Variants in OR2L13 observed in about 807,000 individuals in gnomAD.
OR2L13 encodes the protein olfactory receptor family 2 subfamily L member 13, also known as olfactory receptor 2L13.
OR2L13 carries 14 observed loss-of-function variants against 15.3 expected under a neutral mutation model. The observed-to-expected ratio is 0.91, with a 90% CI of 0.60 to 1.43. The LOEUF is 1.43. OR2L13 is among the 40% of genes most tolerant of loss of function. OR2L13 has a pLI of 0.00. For missense variants in OR2L13, 367 were observed against 387.9 expected, an observed-to-expected ratio of 0.95 and a Z score of 0.45; for synonymous variants, 152 against 142.9, an observed-to-expected ratio of 1.06 and a Z score of -0.45.
chr1:248,072,944 T>A, the OR2L13 span, among the ~76,000 whole-genome samples: 1 of 152,148 alleles, frequency 6.6e-6, no homozygotes, highest in East Asian at 1.9e-4. Flanking sequence ...TCACACCAGT[T>A]AGAATGGCAA....
chr1:248,022,492 C>T, the OR2L13 span: 2 of 1,614,188 alleles, frequency 1.2e-6, no homozygotes, highest in Non-Finnish European at 1.7e-6. Context: ...GATGTTCCAG[C>T]TATGTTGACA....
chr1:248,094,923 C>T (rs1426252948), upstream of OR2L13, among the ~76,000 whole-genome samples: 1 of 152,192 alleles, frequency 6.6e-6, no homozygotes, highest in Non-Finnish European at 1.5e-5. Context: ...TTCTATAGCT[C>T]TGAAATCATG....
chr1:247,984,455 A>G, the OR2L13 span, among the ~76,000 whole-genome samples: 1 of 152,328 alleles, frequency 6.6e-6, no homozygotes, highest in Non-Finnish European at 1.5e-5. Context: ...AATTTCAAAC[A>G]GTATATATTC....
chr1:248,047,554 A>T, the OR2L13 span, among the ~76,000 whole-genome samples: 1 of 152,182 alleles, frequency 6.6e-6, no homozygotes, highest in Non-Finnish European at 1.5e-5. Flanking sequence ...ATAGGTATCC[A>T]GATTTTGTTT....
At chr1:247,990,414 T>C in the OR2L13 span, 1 of 1,584,964 alleles carries the variant, frequency 6.3e-7, no homozygotes, top group Non-Finnish European at 8.7e-7. Context: ...TCTCATCTTC[T>C]TGGACATCCA....
the OR2L13 span, chr1:248,022,495 T>A: frequency 2.2e-5 from 35 of 1,614,116 alleles, no homozygotes; most frequent in Non-Finnish European, 2.8e-5. Context: ...GTTCCAGCTA[T>A]GTTGACATTA....
the OR2L13 span, among the ~76,000 whole-genome samples, chr1:248,074,836 G>A: frequency 2.0e-5 from 3 of 152,006 alleles, no homozygotes; most frequent in Admixed American, 2.0e-4. Flanking sequence ...ACAAGTTGAA[G>A]TTAAAAATAA....
the OR2L13 span, among the ~76,000 whole-genome samples, chr1:248,010,763 G>GTTGTTTT: frequency 6.7e-5 from 3 of 44,466 alleles, no homozygotes; most frequent in Non-Finnish European, 7.3e-5. Context: ...CTTTGTTGTT[G>GTTGTTTT]TTTTTTTTTT....
chr1:248,038,538 A>G, the OR2L13 span: 13 of 1,614,054 alleles, frequency 8.1e-6, no homozygotes, highest in African/African-American at 5.3e-5. Context: ...AAACAAGTCT[A>G]TCTCCTTCAC....
chr1:248,021,980 C>A, the OR2L13 span: 1 of 1,613,580 alleles, frequency 6.2e-7, no homozygotes, highest in Non-Finnish European at 8.5e-7. Flanking sequence ...CAACTGATTT[C>A]ATCTTATTGG....
the OR2L13 span, among the ~76,000 whole-genome samples, chr1:247,963,174 G>T: frequency 0.8 from 121,471 of 152,138 alleles, 52,681 homozygotes; most frequent in South Asian, 0.95. Flanking sequence ...CACATACTTG[G>T]GGTTGTTATT....
At chr1:248,036,506 A>T in the OR2L13 span, among the ~76,000 whole-genome samples, 1 of 152,190 alleles carries the variant, frequency 6.6e-6, no homozygotes, top group East Asian at 1.9e-4. Context: ...ATACACGTGT[A>T]TTGATCCTTA....
the OR2L13 span, among the ~76,000 whole-genome samples, chr1:248,017,928 T>C: frequency 1.3e-5 from 2 of 151,910 alleles, no homozygotes; most frequent in African/African-American, 4.8e-5. Flanking sequence ...AAGGAAAAAA[T>C]ACATTCGTAT....
At chr1:248,023,992 C>T in the OR2L13 span, 2 of 152,112 alleles carry the variant, frequency 1.3e-5, no homozygotes, top group African/African-American at 2.4e-5. Flanking sequence ...TGAAGAATAA[C>T]ATCATGTGAT....
the OR2L13 span, chr1:247,965,930 T>A: frequency 6.2e-7 from 1 of 1,611,162 alleles, no homozygotes; most frequent in Non-Finnish European, 8.5e-7. Context: ...CCAGCTCTAC[T>A]ATCATTGGTG....
At chr1:248,052,315 A>G in the OR2L13 span, among the ~76,000 whole-genome samples, 6 of 152,192 alleles carry the variant, frequency 3.9e-5, no homozygotes, top group Non-Finnish European at 7.3e-5. Context: ...TCCTTTTTGA[A>G]AAAAGGTTAC....
the OR2L13 span, among the ~76,000 whole-genome samples, chr1:247,960,599 C>A: frequency 6.6e-6 from 1 of 152,156 alleles, no homozygotes; most frequent in Non-Finnish European, 1.5e-5. Flanking sequence ...CAGTTCGAGC[C>A]TCCTGGCTGC....
the OR2L13 span, among the ~76,000 whole-genome samples, chr1:247,971,323 C>T: frequency 6.6e-6 from 1 of 152,122 alleles, no homozygotes; most frequent in South Asian, 2.1e-4. Context: ...GTTGGCAGGT[C>T]CTTGCAGTAC....
the OR2L13 span, among the ~76,000 whole-genome samples, chr1:247,964,946 A>G: frequency 6.7e-6 from 1 of 149,508 alleles, no homozygotes; most frequent in Non-Finnish European, 1.5e-5. Flanking sequence ...TGTATATAAA[A>G]TATACTTGTC....
Sources: allele counts gnomAD v4.1 joint callset (sites outside exome capture counted in the v4.1 genomes callset), GRCh38; gene constraint gnomAD v4.1.1; transcripts MANE v1.5; gene names NCBI Gene and HGNC (gene_info 2026-07-23, HGNC 2026-07-21).